LRRC71: variants seen among roughly 807,000 people sequenced by gnomAD.
The protein encoded by LRRC71 is leucine-rich repeat-containing protein 71.
Under a neutral mutation model 66.6 loss-of-function variants are expected in LRRC71, and 54 were observed. The ratio of observed to expected loss-of-function variants is 0.81; its 90% CI spans 0.65 to 1.02. LRRC71 has a LOEUF of 1.02. Among genes scored for constraint, LRRC71 ranks in the 50% least tolerant of loss-of-function variants. The probability of loss-of-function intolerance (pLI) is 0.00; values close to 1 mark genes in which losing one functional copy is unlikely to be tolerated. For missense variants in LRRC71, 724 were observed against 718.0 expected (o/e 1.01, Z -0.10); for synonymous variants, 323 against 303.9 (o/e 1.06, Z -0.65).
At chr1:156,930,108 T>TG (rs1284809884) in intron 11 of LRRC71, among the ~76,000 whole-genome samples, 1 of 149,810 alleles carries the variant, frequency 6.7e-6, no homozygotes, top group South Asian at 2.1e-4. Context: ...TCTTTTTTTT[T>TG]TTTTGATGGA....
chr1:156,929,720 G>C lies in LRRC71; in HGVS notation c.1231G>C (p.Gly411Arg). Reference sequence around the variant, plus strand: ...TAAGAAGGAAGATGCCACAAAGGCAGGCAAGGGGAGTAAGTGCGGGTGCCC... The same window carrying C: ...TAAGAAGGAAGATGCCACAAAGGCACGCAAGGGGAGTAAGTGCGGGTGCCC... ...TPKKEDATKA[G>R]KGKVTIPEQK... Residue 411 changes from glycine to arginine, a missense_variant, in exon 11 of 15, where the codon GGC (glycine) becomes CGC (arginine). Transcript: ENST00000337428. The C allele has an allele frequency of 5.1e-6, 8 of 1,564,992 alleles. No individual in the cohort carries two copies. Among genetic ancestry groups the C allele is most frequent in the Non-Finnish European group, 6.1e-6 (7 of 1,154,970 alleles).
At chr1:156,929,776 A>G (rs1180019789) in intron 11 of LRRC71, 47 bp downstream of exon 11, 1 of 1,498,352 alleles carries the variant, frequency 6.7e-7, no homozygotes, top group Admixed American at 2.0e-5. Flanking sequence ...TGGAGGAGGG[A>G]AGAGTGCCGG....
In LRRC71 at chr1:156,930,556, G is replaced by A. The variant is rs369222584; in HGVS notation, c.1268G>A (p.Ser423Asn). Residue 423 changes from serine to asparagine, a missense_variant, in exon 12 of 15, where the codon AGC becomes AAC. Transcript: ENST00000337428. ...GTAACCATCCCTGAACAGAAGCCAAGCAGGGCAAAAGGGATCAAGATCGGG... is the reference window on the plus strand; with the variant it reads ...GTAACCATCCCTGAACAGAAGCCAAACAGGGCAAAAGGGATCAAGATCGGG... ...GKVTIPEQKP[S>N]RAKGIKIGSR... The A allele has an allele frequency of 1.6e-5, 25 of 1,568,120 alleles. No individual in the cohort carries two copies. The East Asian group carries it at 1.7e-4, about 10-fold the overall frequency.
At chr1:156,936,042 CA>C, downstream of LRRC71, 3 of 1,613,960 alleles carry the variant, frequency 1.9e-6, no homozygotes, top group Non-Finnish European at 2.5e-6. Flanking sequence ...TGCTGTCTTC[CA>C]GGGGGGCGTC....
Position 156,920,862 on chromosome 1 carries a change from A to G in LRRC71, c.59A>G (p.Gln20Arg). Residue 20 changes from glutamine to arginine, a missense_variant, in exon 1 of 15, where the codon CAG becomes CGG. Transcript: ENST00000337428. This position sits in a 1 kb window ranked among gnomAD's most constrained non-coding sequence, Gnocchi z 4.9. ...CCCAGGGCCCCGCGTCCGGGGACCC[A>G]GAAGTCTTCTGGCGCGGTGACCAAA... is the stretch of plus-strand genomic sequence containing the variant. ...ASPRAPRPGT[Q>R]KSSGAVTKKG... 1 of 1,542,060 alleles carries G rather than the reference A, an allele frequency of 6.5e-7. No individual in the cohort carries two copies. Among genetic ancestry groups the G allele is most frequent in the South Asian group, 1.2e-5 (1 of 82,644 alleles).
the LRRC71 span, chr1:156,938,349 C>T: frequency 4.0e-5 from 58 of 1,448,062 alleles, no homozygotes; most frequent in Admixed American, 5.3e-5. Context: ...GGCAGGGGTC[C>T]GACTCTGCCC....
downstream of LRRC71, chr1:156,936,390 T>C: frequency 2.5e-6 from 1 of 405,770 alleles, no homozygotes; most frequent in Non-Finnish European, 4.8e-6. Context: ...CCAGCTGCTT[T>C]GGAGGCTGAG....
In LRRC71 at chr1:156,929,472, G is replaced by A. The variant is rs543846919; in HGVS notation, c.1146+43G>A. The A allele has an allele frequency of 2.5e-6, 4 of 1,612,432 alleles. No individual in the cohort carries two copies. In the South Asian group the frequency reaches 3.3e-5, roughly 13 times the overall value. Reference sequence around the variant, plus strand: ...CAGATCCTGGGTGCTGGACGGACAGGGGAGGGGGCTTCCATCATGTACAGA... The same window carrying A: ...CAGATCCTGGGTGCTGGACGGACAGAGGAGGGGGCTTCCATCATGTACAGA... On this transcript the variant is annotated intron_variant, in intron 10 of 14. Coordinates refer to ENST00000337428, the MANE Select transcript of LRRC71 (RefSeq NM_144702.3).
In LRRC71 at chr1:156,929,375, G is replaced by A; in HGVS notation, c.1092G>A (p.Lys364=). The A allele has an allele frequency of 1.2e-6, 2 of 1,613,830 alleles. No homozygotes were observed. Among genetic ancestry groups the A allele is most frequent in the Non-Finnish European group, 1.7e-6 (2 of 1,179,818 alleles). Residue 364 remains lysine (K), a synonymous_variant, in exon 10 of 15, where the codon AAG becomes AAA. Coordinates refer to ENST00000337428, the MANE Select transcript of LRRC71 (RefSeq NM_144702.3). ...SNSALVDKTD[K]TQTMKTPKGL... is the part of the protein sequence containing the mutation. ...GTGCATTGGTGGACAAGACAGACAA[G>A]ACGCAGACAATGAAAACCCCTAAGG...
intron 9 of LRRC71, among the ~76,000 whole-genome samples, chr1:156,928,351 C>CTTCTTCCTCTTCTTCTTCT (rs1553188822): frequency 2.8e-5 from 2 of 71,968 alleles, no homozygotes; most frequent in East Asian, 8.8e-4. Flanking sequence ...TTCTTTCTTT[C>CTTCTTCCTCTTCTTCTTCT]TCTTCTTCTT....
downstream of LRRC71, among the ~76,000 whole-genome samples, chr1:156,933,440 C>G (rs1654665148): frequency 6.6e-6 from 1 of 152,226 alleles, no homozygotes; most frequent in Non-Finnish European, 1.5e-5. Flanking sequence ...TAAGCACAGG[C>G]TCCATGCCCG....
At chr1:156,927,154 C>A in intron 5 of LRRC71, 48 bp from the exon 6 acceptor site, 1 of 1,548,980 alleles carries the variant, frequency 6.5e-7, no homozygotes, top group Non-Finnish European at 8.8e-7. Context: ...CCTTCCCTTA[C>A]CTGGCCTCAG....
intron 5 of LRRC71, 36 bp downstream of exon 5, chr1:156,925,051 C>A: frequency 6.5e-7 from 1 of 1,547,400 alleles, no homozygotes; most frequent in South Asian, 1.2e-5. Context: ...GCCTGGGAAG[C>A]CTGGCTGGGC....
chr1:156,929,679 C>G lies in LRRC71; in HGVS notation c.1190C>G (p.Pro397Arg). Residue 397 changes from proline to arginine, a missense_variant, in exon 11 of 15, where the codon CCC (proline) becomes CGC (arginine). Coordinates refer to ENST00000337428, the MANE Select transcript of LRRC71 (RefSeq NM_144702.3). ...GAGAAGTTGGGGTCTGGGCAGTCAC[C>G]CACACAAGGAACCCCTAAGAAGGAA... Reference protein sequence around the residue: ...KEEKLGSGQSPTQGTPKKEDA... With the variant: ...KEEKLGSGQSRTQGTPKKEDA... 1 of 1,585,656 alleles carries G rather than the reference C, an allele frequency of 6.3e-7. No homozygotes were observed. The highest frequency in any genetic ancestry group is 1.7e-4 in the Middle Eastern group (1 of 6,038).
chr1:156,923,643 G>A lies in LRRC71; in HGVS notation c.161-306G>A, dbSNP rs780518921. 5.4e-4 allele frequency among the ~76,000 whole-genome samples: 82 copies of A among 152,184 alleles called. 1 individual carries two copies. The highest frequency in any genetic ancestry group is 5.1e-4 in the Non-Finnish European group (35 of 68,034). On this transcript the variant is annotated intron_variant, in intron 1 of 14. Transcript: ENST00000337428. ...TGGGCTGGGGACACCTGGGAAAGGC[G>A]GAAGCCCGGGCTGGGAGTGGAGAGC...
chr1:156,936,301 C>T (rs72700704), downstream of LRRC71: 6,702 of 677,752 alleles, frequency 9.9e-3, 52 homozygotes, highest in Non-Finnish European at 0.016. Flanking sequence ...ATAGCTGTGT[C>T]CCTGGCCCAC....
At chr1:156,928,532 CT>C (rs1653764103) in intron 9 of LRRC71, among the ~76,000 whole-genome samples, 1 of 136,454 alleles carries the variant, frequency 7.3e-6, no homozygotes, top group African/African-American at 2.7e-5. Context: ...TCCTCTTCTT[CT>C]TCTTCTTCCT....
Position 156,923,980 on chromosome 1 carries a change from C to A in LRRC71, c.192C>A (p.Thr64=), listed in dbSNP as rs1209208850. Residue 64 remains threonine (T), a synonymous_variant, in exon 2 of 15, where the codon ACC becomes ACA. Coordinates refer to ENST00000337428, the MANE Select transcript of LRRC71 (RefSeq NM_144702.3). ...EEYQCSGVLE[T]DFAELCTRWG... ...ACCAGTGCTCCGGGGTCCTCGAGAC[C>A]GACTTCGCCGAGCTCTGCACGCGGT... 20 of 1,538,406 alleles carry A rather than the reference C, an allele frequency of 1.3e-5. No homozygotes were observed. Among genetic ancestry groups the A allele is most frequent in the Non-Finnish European group, 1.7e-5 (19 of 1,140,270 alleles).
Position 156,932,418 on chromosome 1 carries a change from C to T in LRRC71, c.1442-6C>T. 1 of 1,611,762 alleles carries T rather than the reference C, an allele frequency of 6.2e-7. No homozygotes were observed. On this transcript the variant is annotated splice_polypyrimidine_tract_variant and splice_region_variant and intron_variant, in intron 13 of 14. Coordinates refer to ENST00000337428, the MANE Select transcript of LRRC71 (RefSeq NM_144702.3). ...TAAGAGGCCACCTGTCTGTAACTTCCACCAGGGAACCGCATCACAGAGGTG... is the reference window on the plus strand; with the variant it reads ...TAAGAGGCCACCTGTCTGTAACTTCTACCAGGGAACCGCATCACAGAGGTG...
Sources: allele counts gnomAD v4.1 joint callset (sites outside exome capture counted in the v4.1 genomes callset), GRCh38; gene constraint gnomAD v4.1.1; non-coding constraint Gnocchi (gnomAD v3.1); transcripts MANE v1.5; gene names NCBI Gene and HGNC (gene_info 2026-07-23, HGNC 2026-07-21).